Variants in NXPE4 observed in about 807,000 individuals in gnomAD.
NXPE4 encodes NXPE family member 4.
In NXPE4, 42 loss-of-function variants were observed where a neutral mutation model predicts 33.3. The observed-to-expected ratio is 1.26, with a 90% CI of 0.98 to 1.63. The LOEUF is 1.63. Ranked by LOEUF, NXPE4 falls within the 40% of genes most tolerant of loss-of-function variation. The pLI, the probability that NXPE4 is intolerant of heterozygous loss-of-function variation, is 0.00. For missense variants in NXPE4, 709 were observed against 647.6 expected, an observed-to-expected ratio of 1.09 and a Z score of -1.03; for synonymous variants, 253 against 234.9, an observed-to-expected ratio of 1.08 and a Z score of -0.71.
the NXPE4 span, among the ~76,000 whole-genome samples, chr11:114,659,364 A>T: frequency 0.092 from 13,985 of 152,078 alleles, 759 homozygotes; most frequent in Middle Eastern, 0.2. Context: ...GCCTTATCAG[A>T]AGAGTTGACA....
the NXPE4 span, among the ~76,000 whole-genome samples, chr11:114,615,353 C>T: frequency 6.6e-6 from 1 of 151,980 alleles, no homozygotes; most frequent in Non-Finnish European, 1.5e-5. Flanking sequence ...AGTTTTGCCT[C>T]GTGGATAACC....
chr11:114,623,814 C>A, the NXPE4 span, among the ~76,000 whole-genome samples: 1,790 of 152,244 alleles, frequency 0.012, 16 homozygotes, highest in Non-Finnish European at 0.018. Flanking sequence ...AGAATTGCCT[C>A]GTGGGTAACC....
chr11:114,581,071 G>C (rs1468994313), intron 4 of NXPE4, among the ~76,000 whole-genome samples: 1 of 152,172 alleles, frequency 6.6e-6, no homozygotes, highest in Non-Finnish European at 1.5e-5. Flanking sequence ...TTACACTTCA[G>C]TGTAAATAGG....
At chr11:114,620,833 A>T in the NXPE4 span, among the ~76,000 whole-genome samples, 1 of 151,994 alleles carries the variant, frequency 6.6e-6, no homozygotes, top group East Asian at 1.9e-4. Context: ...TGTGTCTAAT[A>T]AGTGTTGCCT....
the NXPE4 span, among the ~76,000 whole-genome samples, chr11:114,643,370 T>A: frequency 2.0e-5 from 3 of 152,152 alleles, no homozygotes; most frequent in African/African-American, 7.2e-5. Flanking sequence ...GGTTTTCTTC[T>A]AGTGTTTTTA....
At chr11:114,646,348 C>T in the NXPE4 span, among the ~76,000 whole-genome samples, 1 of 151,240 alleles carries the variant, frequency 6.6e-6, no homozygotes, top group African/African-American at 2.4e-5. Flanking sequence ...TAATCAAGTT[C>T]TTTTCTGTAT....
chr11:114,628,459 TC>T, the NXPE4 span, among the ~76,000 whole-genome samples: 1 of 152,140 alleles, frequency 6.6e-6, no homozygotes, highest in Non-Finnish European at 1.5e-5. Context: ...ATAAAGATGT[TC>T]TTTGAAACCA....
At chr11:114,605,486 G>T in the NXPE4 span, among the ~76,000 whole-genome samples, 10 of 151,672 alleles carry the variant, frequency 6.6e-5, no homozygotes, top group African/African-American at 1.9e-4. Flanking sequence ...ACAGTTACCC[G>T]GTGGATAATA....
intron 1 of NXPE4, among the ~76,000 whole-genome samples, chr11:114,595,374 A>T (rs1344436880): frequency 6.6e-6 from 1 of 152,096 alleles, no homozygotes; most frequent in Non-Finnish European, 1.5e-5. Context: ...TTTGCACCGG[A>T]ATTCCAAGTT....
the NXPE4 span, among the ~76,000 whole-genome samples, chr11:114,603,037 C>A: frequency 6.6e-6 from 1 of 150,836 alleles, no homozygotes; most frequent in African/African-American, 2.4e-5. Context: ...TAATACGGAA[C>A]CGTATATAAT....
chr11:114,673,833 T>G, the NXPE4 span, among the ~76,000 whole-genome samples: 21 of 151,858 alleles, frequency 1.4e-4, no homozygotes, highest in Non-Finnish European at 2.7e-4. Flanking sequence ...TCTCCCCAGA[T>G]AGCCTCCCTC....
At chr11:114,619,549 G>A in the NXPE4 span, among the ~76,000 whole-genome samples, 12 of 148,910 alleles carry the variant, frequency 8.1e-5, no homozygotes, top group African/African-American at 3.0e-4. Context: ...TTGCCTTGTG[G>A]GTAACCACTG....
rs2292818 is a variant in NXPE4 at position 114,582,041 on chromosome 11, T to C, written c.830+247A>G. 1.2e-3 allele frequency among the ~76,000 whole-genome samples: 176 copies of C among 152,334 alleles called. 3 individuals are homozygous for C. The East Asian group carries it at 0.033, about 29-fold the overall frequency. ...GCACACACACATACACACATGTGCATTTCTCATTTTCTTCTAGTTTTTATT... is the reference window on the plus strand; with the variant it reads ...GCACACACACATACACACATGTGCACTTCTCATTTTCTTCTAGTTTTTATT... On this transcript the variant is annotated intron_variant, in intron 3 of 5. Coordinates refer to ENST00000375478, the MANE Select transcript of NXPE4 (RefSeq NM_001077639.2).
chr11:114,623,790 C>T, the NXPE4 span, among the ~76,000 whole-genome samples: 138 of 152,246 alleles, frequency 9.1e-4, no homozygotes, highest in African/African-American at 3.1e-3. Context: ...ACCACTCTTA[C>T]CCTATGGATA....
At chr11:114,603,844 G>A in the NXPE4 span, among the ~76,000 whole-genome samples, 1 of 151,610 alleles carries the variant, frequency 6.6e-6, no homozygotes, top group Non-Finnish European at 1.5e-5. Context: ...TGGATAATAA[G>A]TATTGCCTCC....
chr11:114,601,752 AAT>A, the NXPE4 span, among the ~76,000 whole-genome samples: 2 of 72,870 alleles, frequency 2.7e-5, no homozygotes, highest in African/African-American at 5.6e-5. Context: ...TATAATATAT[AAT>A]ATATATGTGA....
the NXPE4 span, among the ~76,000 whole-genome samples, chr11:114,670,780 A>G: frequency 6.6e-6 from 1 of 151,894 alleles, no homozygotes; most frequent in Non-Finnish European, 1.5e-5. Flanking sequence ...TTGCTATAAT[A>G]TTTTATCTGA....
the NXPE4 span, among the ~76,000 whole-genome samples, chr11:114,612,943 C>G: frequency 2.6e-5 from 4 of 152,070 alleles, no homozygotes; most frequent in South Asian, 8.3e-4. Flanking sequence ...CATGTATCCA[C>G]TGTTACCTGC....
chr11:114,654,623 T>G, the NXPE4 span, among the ~76,000 whole-genome samples: 1 of 152,176 alleles, frequency 6.6e-6, no homozygotes, highest in Non-Finnish European at 1.5e-5. Context: ...GCTTCCAGCT[T>G]CATCTATGTC....
Sources: gnomAD v4.1 joint callset for allele counts (sites outside exome capture counted in the v4.1 genomes callset) on GRCh38, gnomAD v4.1.1 for gene constraint, MANE v1.5 for transcripts, NCBI Gene and HGNC (gene_info 2026-07-23, HGNC 2026-07-21) for gene names.